KCNS3: variants seen among roughly 807,000 people sequenced by gnomAD.
KCNS3 encodes delayed-rectifier potassium channel regulatory subunit KCNS3.
A neutral mutation model predicts 31.0 loss-of-function variants in KCNS3; 13 were observed. The ratio of observed to expected loss-of-function variants is 0.42; its 90% CI spans 0.27 to 0.67. The LOEUF (loss-of-function observed/expected upper bound fraction) is 0.67. Among genes scored for constraint, KCNS3 ranks in the 30% least tolerant of loss-of-function variants. The pLI is 0.25. For synonymous variants in KCNS3, 238 were observed against 241.5 expected (o/e 0.99, Z 0.13); for missense variants, 545 against 622.4 (o/e 0.88, Z 1.32).
intron 1 of KCNS3, among the ~76,000 whole-genome samples, chr2:17,879,791 G>A (rs1167101334): frequency 6.6e-6 from 1 of 152,192 alleles, no homozygotes; most frequent in Non-Finnish European, 1.5e-5. Context: ...CACTCGGGTG[G>A]CCCGCAGCAG....
intron 1 of KCNS3, among the ~76,000 whole-genome samples, chr2:17,893,740 C>T (rs1013567514): frequency 1.3e-5 from 2 of 152,156 alleles, no homozygotes; most frequent in East Asian, 1.9e-4. Context: ...TTCCCACTTC[C>T]GCAGTTGGGG....
At chr2:17,901,203 T>C (rs1293192061) in intron 1 of KCNS3, among the ~76,000 whole-genome samples, 1 of 152,104 alleles carries the variant, frequency 6.6e-6, no homozygotes, top group Non-Finnish European at 1.5e-5. Flanking sequence ...TTCAGCTTAG[T>C]GTGAAGGAAG....
intron 1 of KCNS3, among the ~76,000 whole-genome samples, chr2:17,890,145 A>G (rs1166139094): frequency 6.6e-6 from 1 of 152,112 alleles, no homozygotes; most frequent in Non-Finnish European, 1.5e-5. Context: ...TCCTGATTTA[A>G]GCTAGGAATG....
chr2:17,931,981 G>T lies in KCNS3; in HGVS notation c.973G>T (p.Gly325Trp). The change falls in exon 3 of 3, where the codon GGG becomes TGG. Residue 325 changes from glycine to tryptophan, a missense_variant. Coordinates refer to ENST00000304101, the MANE Select transcript of KCNS3 (RefSeq NM_002252.5). The surrounding 1 kb of genome is among the most constrained non-coding windows in gnomAD (Gnocchi z 5.4). ...ATLRHSYHEV[G>W]LLLLFLSVGI... ...ACTGAGACACAGCTACCATGAAGTT[G>T]GGCTTCTGCTTCTCTTCCTCTCTGT... 6.2e-7 allele frequency: 1 copy of T among 1,614,040 alleles called. No individual in the cohort carries two copies. The highest frequency in any genetic ancestry group is 8.5e-7 in the Non-Finnish European group (1 of 1,180,004).
At chr2:17,911,415 A>G (rs908807982) in intron 1 of KCNS3, among the ~76,000 whole-genome samples, 1 of 152,206 alleles carries the variant, frequency 6.6e-6, no homozygotes. Context: ...AGTTCATTTG[A>G]TATCTATCTC....
chr2:17,880,871 G>C (rs1558443786), intron 1 of KCNS3, among the ~76,000 whole-genome samples: 1 of 152,188 alleles, frequency 6.6e-6, no homozygotes, highest in Admixed American at 6.5e-5. Flanking sequence ...ATTCTTCACA[G>C]ACGTGCATCC....
Position 17,932,110 on chromosome 2 carries a change from A to G in KCNS3, c.1102A>G (p.Met368Val). 6.2e-7 allele frequency: 1 copy of G among 1,614,090 alleles called. No individual in the cohort carries two copies. The highest frequency in any genetic ancestry group is 8.5e-7 in the Non-Finnish European group (1 of 1,180,016). Residue 368 changes from methionine to valine, a missense_variant, in exon 3 of 3, where the codon ATG (methionine) becomes GTG (valine). Transcript: ENST00000304101. The stretch of plus-strand genomic sequence containing the variant: ...CTGCTGGTGGTGGGCCACCATCAGC[A>G]TGACAACTGTGGGCTATGGAGACAC... ...PICWWWATIS[M>V]TTVGYGDTHP... is the part of the protein sequence containing the mutation.
At chr2:17,915,415 T>C (rs1662567088) in intron 1 of KCNS3, among the ~76,000 whole-genome samples, 1 of 152,178 alleles carries the variant, frequency 6.6e-6, no homozygotes, top group Admixed American at 6.5e-5. Flanking sequence ...CACATTTTTC[T>C]TCCCCAAAGC....
chr2:17,932,394 G>T lies in KCNS3; in HGVS notation c.1386G>T (p.Val462=). The change falls in exon 3 of 3, where the codon GTG becomes GTT. Residue 462 remains valine (V), a synonymous_variant. Transcript: ENST00000304101. ...GTCTCTCTTCTGTAGGCATTGTGGT[G>T]AGCGATCCTGACTCCACAGATGCTT... The part of the protein sequence containing the change: ...ITSLSSVGIV[V]SDPDSTDASS... 6.2e-7 allele frequency: 1 copy of T among 1,614,108 alleles called. No homozygotes were observed. The highest frequency in any genetic ancestry group is 8.5e-7 in the Non-Finnish European group (1 of 1,180,006).
At chr2:17,896,819 T>A (rs901388502) in intron 1 of KCNS3, among the ~76,000 whole-genome samples, 14 of 152,204 alleles carry the variant, frequency 9.2e-5, no homozygotes, top group Non-Finnish European at 2.1e-4. Context: ...TAGAGTGAGT[T>A]CTTTCCTATG....
At chr2:17,898,125 A>G (rs1256591632) in intron 1 of KCNS3, among the ~76,000 whole-genome samples, 1 of 151,986 alleles carries the variant, frequency 6.6e-6, no homozygotes, top group Non-Finnish European at 1.5e-5. Context: ...TGTGGCTTCA[A>G]TTCTGGGTTC....
intron 2 of KCNS3, among the ~76,000 whole-genome samples, chr2:17,925,683 C>T (rs747133464): frequency 5.9e-5 from 9 of 152,100 alleles, no homozygotes; most frequent in African/African-American, 2.4e-5. Flanking sequence ...ATGAGAACAG[C>T]GTGGGGGAAA....
At chr2:17,926,406 G>A (rs541397596) in intron 2 of KCNS3, among the ~76,000 whole-genome samples, 25 of 152,332 alleles carry the variant, frequency 1.6e-4, no homozygotes, top group South Asian at 6.2e-4. Flanking sequence ...GGGACTCTGC[G>A]TGGGATTCTA....
At chr2:17,881,641 C>G (rs945864221) in intron 1 of KCNS3, among the ~76,000 whole-genome samples, 1 of 152,180 alleles carries the variant, frequency 6.6e-6, no homozygotes, top group Admixed American at 6.5e-5. Flanking sequence ...ACAAGGTCAC[C>G]CAGCCCGGAA....
At chr2:17,878,487 C>T (rs1674557930), upstream of KCNS3, among the ~76,000 whole-genome samples, 1 of 151,642 alleles carries the variant, frequency 6.6e-6, no homozygotes, top group Non-Finnish European at 1.5e-5. Flanking sequence ...CGGAGCCCCG[C>T]AGTCCTCAGC....
chr2:17,903,520 A>G (rs887354430), intron 1 of KCNS3, among the ~76,000 whole-genome samples: 2 of 152,044 alleles, frequency 1.3e-5, no homozygotes, highest in African/African-American at 4.8e-5. Flanking sequence ...GGTTTGTTAC[A>G]TATGTATACA....
intron 1 of KCNS3, among the ~76,000 whole-genome samples, chr2:17,884,656 G>C (rs867451228): frequency 3.3e-5 from 5 of 152,256 alleles, no homozygotes; most frequent in African/African-American, 1.2e-4. Flanking sequence ...GATGGGTGTA[G>C]GGGCAGGTTT....
At chr2:17,895,050 G>T (rs1025244319) in intron 1 of KCNS3, among the ~76,000 whole-genome samples, 2 of 152,092 alleles carry the variant, frequency 1.3e-5, no homozygotes, top group Non-Finnish European at 2.9e-5. Context: ...AGTTATAATT[G>T]ATAGTTCTGG....
At chr2:17,882,877 A>G (rs963212276) in intron 1 of KCNS3, among the ~76,000 whole-genome samples, 1 of 149,972 alleles carries the variant, frequency 6.7e-6, no homozygotes, top group South Asian at 2.1e-4. Flanking sequence ...TTTTTTTCAC[A>G]GTTGTTAAGA....
Sources: gnomAD v4.1 joint callset for allele counts (sites outside exome capture counted in the v4.1 genomes callset) on GRCh38, gnomAD v4.1.1 for gene constraint, Gnocchi (gnomAD v3.1) non-coding constraint, MANE v1.5 for transcripts, NCBI Gene and HGNC (gene_info 2026-07-23, HGNC 2026-07-21) for gene names.